The following LAMA2 variants were observed in gnomAD, a reference collection of about 807,000 sequenced individuals.
The protein encoded by LAMA2 is laminin subunit alpha 2.
LAMA2 carries 269 observed loss-of-function variants against 364.8 expected under a neutral mutation model. That is an observed-to-expected ratio of 0.74 (90% CI 0.67 to 0.82). The LOEUF (loss-of-function observed/expected upper bound fraction) is 0.82. LAMA2 is among the 40% of genes least tolerant of loss of function. The probability of loss-of-function intolerance (pLI) is 0.00; values close to 1 mark genes in which losing one functional copy is unlikely to be tolerated. For synonymous variants in LAMA2, 1,379 were observed against 1,370.6 expected, an observed-to-expected ratio of 1.01 and a Z score of -0.14; for missense variants, 3,807 against 3,873.2, an observed-to-expected ratio of 0.98 and a Z score of 0.45.
At chr6:129,158,824 C>A (rs1779284937) in intron 8 of LAMA2, 1 of 1,614,000 alleles carries the variant, frequency 6.2e-7, no homozygotes, top group Admixed American at 1.7e-5. Context: ...ATTTCATACA[C>A]CCTGAAGCTA....
At chr6:129,449,430 AG>A (rs1191858299) in intron 45 of LAMA2, among the ~76,000 whole-genome samples, 1 of 152,052 alleles carries the variant, frequency 6.6e-6, no homozygotes, top group East Asian at 1.9e-4. Context: ...AGAGAGAGAG[AG>A]CTCTCACCCC....
intron 1 of LAMA2, among the ~76,000 whole-genome samples, chr6:128,930,891 G>T (rs932643059): frequency 6.6e-6 from 1 of 152,054 alleles, no homozygotes; most frequent in South Asian, 2.1e-4. Flanking sequence ...GTTTCCCTAC[G>T]TGTACACACA....
At chr6:128,967,838 C>T (rs1025242270) in intron 1 of LAMA2, among the ~76,000 whole-genome samples, 63 of 150,410 alleles carry the variant, frequency 4.2e-4, no homozygotes, top group African/African-American at 1.5e-3. Flanking sequence ...TATTACACCT[C>T]AGATTATTAT....
At position 129,146,945 on chromosome 6, in the gene LAMA2, A is replaced by G. The variant is rs756221085; in HGVS notation, c.820-14A>G. The G allele has an allele frequency of 1.3e-6, 2 of 1,538,094 alleles. No homozygotes were observed. Among genetic ancestry groups the G allele is most frequent in the Non-Finnish European group, 1.8e-6 (2 of 1,111,090 alleles). On this transcript the variant is annotated splice_polypyrimidine_tract_variant and intron_variant, in intron 5 of 64. Transcript: ENST00000421865. ...TCATCTTAACAGGATTTCTCTCTGG[A>G]TTGCTTTTTGCAGTATTACTACTCG...
chr6:129,502,819 T>C, intron 59 of LAMA2, 48 bp downstream of exon 59: 1 of 1,220,158 alleles, frequency 8.2e-7, no homozygotes, highest in African/African-American at 1.5e-5. Flanking sequence ...AATGAAGAAC[T>C]GAGTATTTGT....
At chr6:129,086,983 C>T (rs1180826742) in intron 3 of LAMA2, among the ~76,000 whole-genome samples, 1 of 152,162 alleles carries the variant, frequency 6.6e-6, no homozygotes, top group Non-Finnish European at 1.5e-5. Flanking sequence ...TTGAATCCTT[C>T]GTTGTACCAC....
chr6:129,370,678 A>G (rs1286242757), intron 34 of LAMA2, among the ~76,000 whole-genome samples: 1 of 152,240 alleles, frequency 6.6e-6, no homozygotes, highest in African/African-American at 2.4e-5. Context: ...AGAGCTTTAA[A>G]TGATAAAGAG....
chr6:129,514,921 AT>A (rs1488647073), intron 64 of LAMA2, among the ~76,000 whole-genome samples: 1 of 138,402 alleles, frequency 7.2e-6, no homozygotes, highest in South Asian at 2.4e-4. Flanking sequence ...GTTCTTTCTG[AT>A]TTTTTTAAAA....
At chr6:129,061,373 T>C (rs1202418920) in intron 3 of LAMA2, among the ~76,000 whole-genome samples, 1 of 152,198 alleles carries the variant, frequency 6.6e-6, no homozygotes, top group Non-Finnish European at 1.5e-5. Flanking sequence ...GGTCAATTAT[T>C]AATATAATTT....
chr6:129,273,401 C>T lies in LAMA2; in HGVS notation c.2450+2650C>T, dbSNP rs185139912. Among the ~76,000 whole-genome samples the T allele has an allele frequency of 4.3e-3, 648 of 152,292 alleles. 3 individuals carry two copies. The highest frequency in any genetic ancestry group is 7.3e-3 in the Non-Finnish European group (497 of 68,014). On this transcript the variant is annotated intron_variant, in intron 17 of 64. Transcript: ENST00000421865. Reference sequence around the variant, plus strand: ...TCAGCCAAGATGTCATGAGCATTAGCACCACTATCAATCCAGCAGAGCTGG... The same window carrying T: ...TCAGCCAAGATGTCATGAGCATTAGTACCACTATCAATCCAGCAGAGCTGG...
At chr6:129,106,542 C>T (rs984088145) in intron 4 of LAMA2, among the ~76,000 whole-genome samples, 1 of 151,914 alleles carries the variant, frequency 6.6e-6, no homozygotes, top group Non-Finnish European at 1.5e-5. Flanking sequence ...TTTGGGGTTT[C>T]AGGCTTCCTT....
chr6:128,963,840 A>T (rs1240893403), intron 1 of LAMA2, among the ~76,000 whole-genome samples: 1 of 152,138 alleles, frequency 6.6e-6, no homozygotes, highest in Non-Finnish European at 1.5e-5. Flanking sequence ...TGAAGCACTG[A>T]GAAATTAATC....
intron 11 of LAMA2, among the ~76,000 whole-genome samples, chr6:129,191,421 G>T (rs1457515009): frequency 6.6e-6 from 1 of 152,132 alleles, no homozygotes; most frequent in African/African-American, 2.4e-5. Context: ...ACCACAGATG[G>T]ACATCTAGTC....
At chr6:129,346,191 T>C (rs1402030658) in intron 30 of LAMA2, among the ~76,000 whole-genome samples, 1 of 152,172 alleles carries the variant, frequency 6.6e-6, no homozygotes, top group Non-Finnish European at 1.5e-5. Context: ...TCAGACTCTT[T>C]GAGCATTAGA....
chr6:128,902,702 C>G (rs66922212), intron 1 of LAMA2, among the ~76,000 whole-genome samples: 21 of 152,100 alleles, frequency 1.4e-4, no homozygotes, highest in African/African-American at 4.6e-4. Flanking sequence ...TTTTTAGAGA[C>G]AGGGTCTCCC....
At chr6:129,375,283 A>G (rs968932474) in intron 34 of LAMA2, among the ~76,000 whole-genome samples, 4 of 152,120 alleles carry the variant, frequency 2.6e-5, no homozygotes, top group Non-Finnish European at 4.4e-5. Context: ...ACATATTCAA[A>G]CTGCCCTACA....
intron 6 of LAMA2, among the ~76,000 whole-genome samples, chr6:129,147,453 A>G (rs1778535934): frequency 6.6e-6 from 1 of 151,824 alleles, no homozygotes; most frequent in African/African-American, 2.4e-5. Flanking sequence ...GTAAATATAT[A>G]AGTGACAATG....
At chr6:129,342,059 A>C (rs1354068069) in intron 29 of LAMA2, among the ~76,000 whole-genome samples, 1 of 152,242 alleles carries the variant, frequency 6.6e-6, no homozygotes, top group Non-Finnish European at 1.5e-5. Context: ...AGAGTAGGAG[A>C]AAAATTTACA....
chr6:129,037,549 G>T (rs1047578317), intron 1 of LAMA2, among the ~76,000 whole-genome samples: 2 of 152,044 alleles, frequency 1.3e-5, no homozygotes, highest in Admixed American at 6.6e-5. Context: ...ACATACACAT[G>T]TGTGTGTATG....
Sources: allele counts gnomAD v4.1 joint callset (sites outside exome capture counted in the v4.1 genomes callset), GRCh38; gene constraint gnomAD v4.1.1; transcripts MANE v1.5; gene names NCBI Gene and HGNC (gene_info 2026-07-23, HGNC 2026-07-21).